Variants in PTPRT observed in about 807,000 individuals in gnomAD.
PTPRT encodes the protein protein tyrosine phosphatase receptor type T.
A neutral mutation model predicts 176.8 loss-of-function variants in PTPRT; 56 were observed. The observed-to-expected ratio is 0.32, with a 90% CI of 0.26 to 0.40. PTPRT has a LOEUF of 0.40. PTPRT is among the 10% of genes least tolerant of loss of function. PTPRT has a pLI of 1.00. For synonymous variants in PTPRT, 783 were observed against 739.0 expected (o/e 1.06, Z -0.96); for missense variants, 1,540 against 1,908.2 (o/e 0.81, Z 3.60).
intron 9 of PTPRT, among the ~76,000 whole-genome samples, chr20:42,417,942 G>A (rs1039099437): frequency 2.0e-5 from 3 of 151,946 alleles, no homozygotes; most frequent in African/African-American, 7.3e-5. Context: ...GTCTCTATAT[G>A]TTTCCCAGGC....
In PTPRT at chr20:42,110,445, T is replaced by C. The variant is rs1216619703; in HGVS notation, c.3142A>G (p.Thr1048Ala). 7 of 1,611,122 alleles carry C rather than the reference T, an allele frequency of 4.3e-6. No individual in the cohort carries two copies. Among genetic ancestry groups the C allele is most frequent in the Non-Finnish European group, 5.9e-6 (7 of 1,177,964 alleles). Residue 1048 changes from threonine (T) to alanine (A), a missense_variant, in exon 23 of 31, where the codon ACC becomes GCC. This residue lies in a region of PTPRT where 248 missense variants were observed against 356.7 expected (regional missense o/e 0.70). Coordinates refer to ENST00000373187, the MANE Select transcript of PTPRT (RefSeq NM_007050.6). ...GGAACGCCGTGGTCAGGCCAGCTGG[T>C]GAAGTGGAAGAGGCGGAGCTCCCGG... ...EIRELRLFHF[T>A]SWPDHGVPCY...
At chr20:42,962,345 T>C (rs1016802966) in intron 1 of PTPRT, among the ~76,000 whole-genome samples, 4 of 152,028 alleles carry the variant, frequency 2.6e-5, no homozygotes, top group African/African-American at 9.7e-5. Context: ...TTGTTACAGG[T>C]ACCAGTGCAG....
At chr20:42,180,688 GA>G (rs1990480599) in intron 16 of PTPRT, among the ~76,000 whole-genome samples, 2 of 152,198 alleles carry the variant, frequency 1.3e-5, no homozygotes, top group Admixed American at 6.6e-5. Flanking sequence ...AGCATGTTCA[GA>G]AGCTTGTTAC....
intron 7 of PTPRT, among the ~76,000 whole-genome samples, chr20:42,633,879 T>C (rs1400830776): frequency 1.7e-4 from 14 of 83,226 alleles, no homozygotes; most frequent in African/African-American, 7.2e-4. Flanking sequence ...TATAATATAT[T>C]ATAATATAAT....
At position 43,141,213 on chromosome 20, in the gene PTPRT, C is replaced by A. The variant is rs570312567; in HGVS notation, c.88+48433G>T. 4.2e-4 allele frequency among the ~76,000 whole-genome samples: 64 copies of A among 152,298 alleles called. 1 individual carries two copies. The highest frequency in any genetic ancestry group is 9.4e-4 in the African/African-American group (39 of 41,552). On this transcript the variant is annotated intron_variant, in intron 1 of 30. Coordinates refer to ENST00000373187, the MANE Select transcript of PTPRT (RefSeq NM_007050.6). ...AGCTCTGGCTGTATAACAAGCTACCCCCAACATTCAGTGGCTTCAAATCGC... is the reference window on the plus strand; with the variant it reads ...AGCTCTGGCTGTATAACAAGCTACCACCAACATTCAGTGGCTTCAAATCGC...
At chr20:42,769,149 C>T (rs940832156) in intron 5 of PTPRT, among the ~76,000 whole-genome samples, 3 of 152,114 alleles carry the variant, frequency 2.0e-5, no homozygotes, top group Admixed American at 6.5e-5. Context: ...TGTAAGCAAC[C>T]CTGGGAAGCA....
intron 1 of PTPRT, among the ~76,000 whole-genome samples, chr20:43,017,739 G>A (rs998146009): frequency 6.6e-6 from 1 of 152,224 alleles, no homozygotes; most frequent in African/African-American, 2.4e-5. Flanking sequence ...ATCTGCCAGA[G>A]CTCCTGTGAA....
chr20:42,322,289 C>T (rs1230920632), intron 11 of PTPRT, among the ~76,000 whole-genome samples: 1 of 150,550 alleles, frequency 6.6e-6, no homozygotes, highest in Admixed American at 6.6e-5. Flanking sequence ...CAAAAAAGAG[C>T]CCGCATCACC....
Position 42,557,605 on chromosome 20 carries a change from T to C in PTPRT, c.1154-85043A>G, listed in dbSNP as rs548333816. On this transcript the variant is annotated intron_variant, in intron 7 of 30. Transcript: ENST00000373187. ...CATTTTTTTAATGTTTCCAGGTGAG[T>C]AGAAGAGCAAATGGATCCAGACAAT... Among the ~76,000 whole-genome samples, 5 of 152,112 alleles carry C rather than the reference T, an allele frequency of 3.3e-5. No homozygotes were observed. In the South Asian group the frequency reaches 1.0e-3, roughly 32 times the overall value.
chr20:42,288,236 A>G (rs778980204), intron 12 of PTPRT, among the ~76,000 whole-genome samples: 2 of 151,992 alleles, frequency 1.3e-5, no homozygotes, highest in African/African-American at 2.4e-5. Flanking sequence ...AGTTTCCCTC[A>G]TGCTTCTTCT....
chr20:43,103,131 C>T (rs541204508), intron 1 of PTPRT, among the ~76,000 whole-genome samples: 2 of 152,228 alleles, frequency 1.3e-5, no homozygotes, highest in South Asian at 2.1e-4. Context: ...AAAACCCATG[C>T]ACCTGCCCCC....
chr20:42,196,622 T>C (rs1991227620), intron 16 of PTPRT, among the ~76,000 whole-genome samples: 1 of 152,336 alleles, frequency 6.6e-6, no homozygotes, highest in African/African-American at 2.4e-5. Context: ...TGCAAAATTA[T>C]AGCTAGGATG....
intron 11 of PTPRT, among the ~76,000 whole-genome samples, chr20:42,350,338 T>C (rs1478906251): frequency 2.0e-5 from 3 of 151,498 alleles, no homozygotes; most frequent in African/African-American, 7.3e-5. Context: ...AAGCAATCTT[T>C]CCATATCATC....
At chr20:42,223,700 A>G (rs2055938944) in intron 15 of PTPRT, among the ~76,000 whole-genome samples, 1 of 152,224 alleles carries the variant, frequency 6.6e-6, no homozygotes, top group African/African-American at 2.4e-5. Context: ...AGAAAAAATA[A>G]TAATATGAAA....
chr20:42,066,596 C>T, the PTPRT span, among the ~76,000 whole-genome samples: 2 of 152,062 alleles, frequency 1.3e-5, no homozygotes, highest in African/African-American at 4.8e-5. Flanking sequence ...AAGTTCGATC[C>T]AGCTCACTCA....
the PTPRT span, among the ~76,000 whole-genome samples, chr20:42,042,238 C>A: frequency 6.6e-6 from 1 of 152,156 alleles, no homozygotes; most frequent in South Asian, 2.1e-4. Context: ...ACAAAGGACT[C>A]AGCCCTCCTG....
intron 1 of PTPRT, among the ~76,000 whole-genome samples, chr20:43,012,149 T>G (rs1220846300): frequency 1.3e-5 from 2 of 152,204 alleles, no homozygotes; most frequent in Non-Finnish European, 2.9e-5. Flanking sequence ...CAATACTCCT[T>G]AATAAACTCC....
intron 27 of PTPRT, among the ~76,000 whole-genome samples, chr20:42,094,978 T>C (rs974512040): frequency 1.3e-5 from 2 of 152,198 alleles, no homozygotes; most frequent in Non-Finnish European, 2.9e-5. Flanking sequence ...TGATCCTGCT[T>C]CCTTGGCTTC....
chr20:42,604,221 C>T (rs748173195), intron 7 of PTPRT, among the ~76,000 whole-genome samples: 5 of 152,148 alleles, frequency 3.3e-5, no homozygotes, highest in Non-Finnish European at 7.4e-5. Flanking sequence ...TTTGTCCCCC[C>T]GCTCTGCATT....
Sources: gnomAD v4.1 joint callset for allele counts (sites outside exome capture counted in the v4.1 genomes callset) on GRCh38, gnomAD v4.1.1 for gene constraint, gnomAD v4.1.1 regional missense constraint, MANE v1.5 for transcripts, NCBI Gene and HGNC (gene_info 2026-07-23, HGNC 2026-07-21) for gene names.